Variants in SAMMSON observed in about 807,000 individuals in gnomAD.
SAMMSON encodes long intergenic non-protein coding RNA 1212.
At chr3:70,191,261 A>G (rs893654482) in intron 4 of SAMMSON, among the ~76,000 whole-genome samples, 4 of 152,204 alleles carry the variant, frequency 2.6e-5, no homozygotes, top group Non-Finnish European at 5.9e-5. Context: ...AATAAACCAT[A>G]AAAGAGGTTA....
At chr3:70,063,880 G>A (rs573832772) in intron 3 of SAMMSON, among the ~76,000 whole-genome samples, 2 of 152,092 alleles carry the variant, frequency 1.3e-5, no homozygotes, top group Admixed American at 6.6e-5. Context: ...CATATCTTAA[G>A]TATCATTAGC....
At chr3:70,025,698 G>A (rs2067034769) in intron 3 of SAMMSON, among the ~76,000 whole-genome samples, 1 of 152,154 alleles carries the variant, frequency 6.6e-6, no homozygotes, top group Admixed American at 6.5e-5. Context: ...TATAACTTTT[G>A]ACTCACTACA....
rs540974350 is a variant in SAMMSON, at chr3:70,039,794, G to A, written n.417+26122G>A. 1.8e-4 allele frequency among the ~76,000 whole-genome samples: 28 copies of A among 152,102 alleles called. No homozygotes were observed. The East Asian group carries it at 5.2e-3, about 28-fold the overall frequency. On this transcript the variant is annotated intron_variant and non_coding_transcript_variant, in intron 3 of 9. Transcript: ENST00000642114. ...GAAGTGGTCCCTGCAGCAACTGGGT[G>A]CACCAGCAAGGAACAGGAATCTTGG...
intron 4 of SAMMSON, among the ~76,000 whole-genome samples, chr3:70,139,455 C>T (rs1323223822): frequency 6.6e-6 from 1 of 152,156 alleles, no homozygotes; most frequent in Non-Finnish European, 1.5e-5. Context: ...GTAGCCCTAC[C>T]CCATGGCCTT....
intron 6 of SAMMSON, among the ~76,000 whole-genome samples, chr3:70,287,802 G>A (rs1004498570): frequency 2.1e-4 from 32 of 148,844 alleles, no homozygotes; most frequent in East Asian, 1.4e-3. Context: ...TGTATGTGTC[G>A]AGGAATTTAT....
At chr3:70,148,823 T>G (rs947388745) in intron 4 of SAMMSON, among the ~76,000 whole-genome samples, 2 of 152,036 alleles carry the variant, frequency 1.3e-5, no homozygotes, top group Non-Finnish European at 1.5e-5. Context: ...GGGGATCAAA[T>G]TTCAACTTGA....
At position 70,418,998 on chromosome 3, in the gene SAMMSON, TCTCTTTCTTTCTTTCTTTCC is replaced by T. The variant is rs1701289351; in HGVS notation, n.234-43561_234-43542del. On this transcript the variant is annotated intron_variant and non_coding_transcript_variant, in intron 2 of 3. Coordinates refer to the SAMMSON transcript ENST00000641053. ...CCTTCCTTCTCTCTCTCTCTCTCTC[TCTCTTTCTTTCTTTCTTTCC>T]TTCTTTCTTTCTTTCTTCTTTCTTT... Among the ~76,000 whole-genome samples the T allele has an allele frequency of 4.8e-5, 6 of 123,752 alleles. No individual in the cohort carries two copies. The Admixed American group carries it at 5.7e-4, about 12-fold the overall frequency. The allele number at this position is 123,752 out of a possible 152,430, so 81.2% of individuals were successfully genotyped here. A position where few individuals can be genotyped will look rare whatever the true frequency, so the allele number is the denominator to read the frequency against.
chr3:70,130,030 A>G (rs1368137504), intron 4 of SAMMSON, among the ~76,000 whole-genome samples: 1 of 152,210 alleles, frequency 6.6e-6, no homozygotes, highest in African/African-American at 2.4e-5. Context: ...TAATCAATGG[A>G]ATGGCAATAT....
chr3:70,255,615 C>G (rs565376052), intron 6 of SAMMSON, among the ~76,000 whole-genome samples: 2 of 152,096 alleles, frequency 1.3e-5, no homozygotes, highest in South Asian at 4.1e-4. Flanking sequence ...GCATGCACCA[C>G]CAAGCCTGGC....
At position 70,270,735 on chromosome 3, in the gene SAMMSON, A is replaced by G. The variant is rs1040148259; in HGVS notation, n.675-20444A>G. 3.9e-5 allele frequency among the ~76,000 whole-genome samples: 6 copies of G among 152,194 alleles called. No individual in the cohort carries two copies. The East Asian group carries it at 1.2e-3, about 29-fold the overall frequency. On this transcript the variant is annotated intron_variant and non_coding_transcript_variant, in intron 6 of 9. Coordinates refer to ENST00000642114, the Ensembl canonical transcript of SAMMSON. The stretch of plus-strand genomic sequence containing the variant: ...AAAGGACGAGTTCATGTCCTTTGCC[A>G]GGACACGGTTGAAGCTGGAAACCAT...
chr3:70,372,701 C>A (rs1206431143), intron 9 of SAMMSON, among the ~76,000 whole-genome samples: 1 of 152,144 alleles, frequency 6.6e-6, no homozygotes, highest in Admixed American at 6.6e-5. Flanking sequence ...TATATCTTTT[C>A]TTTCTAGTTC....
At chr3:70,091,646 C>T (rs1190336723) in intron 4 of SAMMSON, among the ~76,000 whole-genome samples, 3 of 152,218 alleles carry the variant, frequency 2.0e-5, no homozygotes, top group African/African-American at 4.8e-5. Flanking sequence ...AGAATGCTGA[C>T]GTATATGGAC....
intron 3 of SAMMSON, among the ~76,000 whole-genome samples, chr3:70,041,319 A>T (rs1261551860): frequency 1.3e-5 from 2 of 152,138 alleles, no homozygotes; most frequent in Non-Finnish European, 2.9e-5. Context: ...GTGTGATAGG[A>T]ATCAAATCAC....
At chr3:70,381,147 A>G (rs1223867593) in intron 9 of SAMMSON, among the ~76,000 whole-genome samples, 1 of 152,184 alleles carries the variant, frequency 6.6e-6, no homozygotes, top group Non-Finnish European at 1.5e-5. Flanking sequence ...TGCAGTTCTC[A>G]TAGCCCAATG....
At chr3:70,378,639 G>A (rs948151197) in intron 9 of SAMMSON, among the ~76,000 whole-genome samples, 1 of 151,902 alleles carries the variant, frequency 6.6e-6, no homozygotes, top group Non-Finnish European at 1.5e-5. Flanking sequence ...ACCATTGAAG[G>A]GTTCCTGATA....
chr3:70,101,964 T>G (rs1376323838), intron 4 of SAMMSON, among the ~76,000 whole-genome samples: 2 of 152,212 alleles, frequency 1.3e-5, no homozygotes, highest in Admixed American at 1.3e-4. Context: ...GTTCCAATAT[T>G]GGAAACAAAT....
chr3:70,320,687 C>T (rs996151274), intron 7 of SAMMSON, among the ~76,000 whole-genome samples: 2 of 152,150 alleles, frequency 1.3e-5, no homozygotes, highest in South Asian at 4.2e-4. Context: ...CCACCATGTT[C>T]CTTCCCCACT....
chr3:70,384,520 C>T (rs575805919), intron 9 of SAMMSON, among the ~76,000 whole-genome samples: 11 of 152,026 alleles, frequency 7.2e-5, no homozygotes, highest in Non-Finnish European at 1.2e-4. Flanking sequence ...TGCTCTCCTC[C>T]GGACATAAAA....
intron 7 of SAMMSON, among the ~76,000 whole-genome samples, chr3:70,338,873 A>G (rs1204847550): frequency 6.6e-6 from 1 of 152,164 alleles, no homozygotes; most frequent in Non-Finnish European, 1.5e-5. Context: ...GCTACCAATG[A>G]CTTTCTTTGC....
Sources: allele counts gnomAD v4.1 joint callset (sites outside exome capture counted in the v4.1 genomes callset), GRCh38; gene constraint gnomAD v4.1.1; transcripts MANE v1.5; gene names NCBI Gene and HGNC (gene_info 2026-07-23, HGNC 2026-07-21).